The following HMCN2 variants were observed in gnomAD, a reference collection of about 807,000 sequenced individuals.
HMCN2 encodes hemicentin 2, also known as hemicentin-2.
HMCN2 carries 325 observed loss-of-function variants against 377.5 expected under a neutral mutation model. The observed-to-expected ratio is 0.86, with a 90% CI of 0.79 to 0.94. The LOEUF is 0.94. HMCN2 is among the 40% of genes least tolerant of loss of function. The pLI is 0.00. For synonymous variants in HMCN2, 2,007 were observed against 2,046.8 expected, an observed-to-expected ratio of 0.98 and a Z score of 0.53; for missense variants, 4,543 against 4,725.3, an observed-to-expected ratio of 0.96 and a Z score of 1.13.
chr9:130,390,189 G>A (rs1048145415), intron 62 of HMCN2, among the ~76,000 whole-genome samples: 45 of 152,072 alleles, frequency 3.0e-4, no homozygotes, highest in Admixed American at 6.5e-5. Flanking sequence ...TGCTCCCCCC[G>A]GCTGACTACT....
Position 130,422,641 on chromosome 9 carries a change from C to T in HMCN2, c.13296C>T (p.Ala4432=). 1 of 1,328,948 alleles carries T rather than the reference C, an allele frequency of 7.5e-7. No individual in the cohort carries two copies. Among genetic ancestry groups the T allele is most frequent in the East Asian group, 3.1e-5 (1 of 32,324 alleles). The allele number at this position is 1,328,948 out of a possible 1,614,324, so 82.3% of individuals were successfully genotyped here. ...TAAATGGCCGGAAATTTGGCGTGGC[C>T]ACACTCAACACCAGCGTGATGCAGG... ...GVINGRKFGV[A]TLNTSVMQEA... Residue 4432 remains alanine, a synonymous_variant, in exon 87 of 98, where the codon GCC becomes GCT. Coordinates refer to ENST00000683500, the MANE Select transcript of HMCN2 (RefSeq NM_001291815.2). The surrounding 1 kb of genome is among the most constrained non-coding windows in gnomAD (Gnocchi z 4.2).
At chr9:130,350,102 G>A (rs1384744260) in intron 29 of HMCN2, among the ~76,000 whole-genome samples, 2 of 151,382 alleles carry the variant, frequency 1.3e-5, no homozygotes, top group African/African-American at 4.8e-5. Context: ...TACAGATGGG[G>A]TCCTGCTTTG....
intron 3 of HMCN2, among the ~76,000 whole-genome samples, chr9:130,285,909 C>T (rs540696950): frequency 1.6e-4 from 24 of 152,312 alleles, no homozygotes; most frequent in African/African-American, 2.6e-4. Flanking sequence ...TCGACTTCCA[C>T]GCTCGTCTTT....
Position 130,433,483 on chromosome 9 carries a change from C to T in HMCN2, c.15030C>T (p.Gly5010=). The part of the protein sequence containing the change: ...VARLTAFSEV[G]VPANRTELSM... ...GCCTCACCGCCTTCTCCGAGGTCGG[C>T]GTCCCCGCCAACCGCACCGAGCTCA... Residue 5010 remains glycine, a synonymous_variant, in exon 98 of 98, where the codon GGC becomes GGT. Transcript: ENST00000683500. 6.7e-7 allele frequency: 1 copy of T among 1,499,164 alleles called. No individual in the cohort carries two copies. The highest frequency in any genetic ancestry group is 8.8e-7 in the Non-Finnish European group (1 of 1,132,096). The allele number at this position is 1,499,164 out of a possible 1,614,324, so 92.9% of individuals were successfully genotyped here. A position where few individuals can be genotyped will look rare whatever the true frequency, so the allele number is the denominator to read the frequency against.
In HMCN2 at chr9:130,386,533, G is replaced by C; in HGVS notation, c.9391+9G>C. On this transcript the variant is annotated intron_variant, in intron 61 of 97. Coordinates refer to ENST00000683500, the MANE Select transcript of HMCN2 (RefSeq NM_001291815.2). ...CACCCTCACCGTCCAGGGTAAGCCA[G>C]GGACCAGCCTAGCCAACGTGACTGT... The C allele has an allele frequency of 7.7e-7, 1 of 1,301,900 alleles. No individual in the cohort carries two copies. Among genetic ancestry groups the C allele is most frequent in the Non-Finnish European group, 1.0e-6 (1 of 988,304 alleles). 80.6% of individuals were successfully genotyped at this position (1,301,900 alleles called of 1,614,324 possible).
chr9:130,299,451 AAG>A (rs1259456294), intron 8 of HMCN2, among the ~76,000 whole-genome samples, 163 bp downstream of exon 8: 3 of 152,182 alleles, frequency 2.0e-5, no homozygotes, highest in African/African-American at 7.2e-5. Context: ...GTTAAATACT[AAG>A]ATGCTCAGAT....
chr9:130,275,570 C>T (rs1207651165), intron 1 of HMCN2, among the ~76,000 whole-genome samples: 2 of 152,166 alleles, frequency 1.3e-5, no homozygotes, highest in Non-Finnish European at 2.9e-5. Flanking sequence ...CTGCCTCAGC[C>T]TCCTGAGTAG....
Position 130,424,870 on chromosome 9 carries a change from TG to T in HMCN2, c.13481del (p.Gly4494AlafsTer19). On this transcript the variant is annotated frameshift_variant, in exon 88 of 98. Coordinates refer to ENST00000683500, the MANE Select transcript of HMCN2 (RefSeq NM_001291815.2). LOFTEE classifies it high-confidence loss of function. ...AAGCCCTGAATGGCCACTCTCTGAC[TG>T]GGGGCAGGTTCCGGCAGGAGTCACA... ...GEALNGHSLT[G>X]GRFRQESHVE... The T allele has an allele frequency of 6.8e-7, 1 of 1,464,004 alleles. No individual in the cohort carries two copies. The highest frequency in any genetic ancestry group is 9.1e-7 in the Non-Finnish European group (1 of 1,102,838). 90.7% of individuals were successfully genotyped at this position (1,464,004 alleles called of 1,614,324 possible).
intron 22 of HMCN2, among the ~76,000 whole-genome samples, chr9:130,330,569 G>A (rs1312629492): frequency 6.6e-6 from 1 of 152,026 alleles, no homozygotes; most frequent in African/African-American, 2.4e-5. Flanking sequence ...GTATCAGGTG[G>A]GCCACTGCTC....
intron 19 of HMCN2, among the ~76,000 whole-genome samples, chr9:130,322,967 G>A (rs1837932591): frequency 6.6e-6 from 1 of 152,202 alleles, no homozygotes; most frequent in Non-Finnish European, 1.5e-5. Context: ...ATAGGGGAGT[G>A]CAAAGTTCAG....
In HMCN2 at chr9:130,308,220, G is replaced by T. The variant is rs1280033658; in HGVS notation, c.2200+654G>T. Among the ~76,000 whole-genome samples, 2 of 152,198 alleles carry T rather than the reference G, an allele frequency of 1.3e-5. No homozygotes were observed. Among genetic ancestry groups the T allele is most frequent in the African/African-American group, 4.8e-5 (2 of 41,456 alleles). On this transcript the variant is annotated intron_variant, in intron 14 of 97. Coordinates refer to ENST00000683500, the MANE Select transcript of HMCN2 (RefSeq NM_001291815.2). The surrounding 1 kb of genome is among the most constrained non-coding windows in gnomAD (Gnocchi z 4.1). ...GACCCACTCGCCTCGGCTTCCCAAA[G>T]TGCTGGGATGACAGGCGTGAGCCAC...
In HMCN2 at chr9:130,428,651, A is replaced by G. The variant is rs1314121637; in HGVS notation, c.14197+162A>G. ...CAAGGCTGGGGACAAAGCCTGCGCCAGGCTCTGGAGGTCTGAGCCCTCCCC... is the reference window on the plus strand; with the variant it reads ...CAAGGCTGGGGACAAAGCCTGCGCCGGGCTCTGGAGGTCTGAGCCCTCCCC... On this transcript the variant is annotated intron_variant, in intron 93 of 97. Coordinates refer to ENST00000683500, the MANE Select transcript of HMCN2 (RefSeq NM_001291815.2). This position sits in a 1 kb window ranked among gnomAD's most constrained non-coding sequence, Gnocchi z 5.0. Among the ~76,000 whole-genome samples the G allele has an allele frequency of 6.6e-6, 1 of 152,182 alleles. No individual in the cohort carries two copies. The highest frequency in any genetic ancestry group is 2.4e-5 in the African/African-American group (1 of 41,446).
intron 15 of HMCN2, among the ~76,000 whole-genome samples, chr9:130,311,854 T>G (rs1309875896): frequency 6.6e-6 from 1 of 151,874 alleles, no homozygotes; most frequent in Non-Finnish European, 1.5e-5. Flanking sequence ...AGGGGGTTGG[T>G]GAGAGGTTTT....
chr9:130,397,694 G>A, intron 74 of HMCN2, 39 bp downstream of exon 74: 3 of 1,286,314 alleles, frequency 2.3e-6, no homozygotes, highest in Non-Finnish European at 3.0e-6. Flanking sequence ...TCCAGTCCCT[G>A]TCGGGGTCCA....
At chr9:130,322,959 AG>A (rs1837932160) in intron 19 of HMCN2, among the ~76,000 whole-genome samples, 1 of 152,178 alleles carries the variant, frequency 6.6e-6, no homozygotes, top group Non-Finnish European at 1.5e-5. Context: ...CCCATTTTAT[AG>A]GGGAGTGCAA....
chr9:130,355,687 A>G (rs1221262366), intron 32 of HMCN2, 59 bp from the exon 33 acceptor site: 6 of 997,894 alleles, frequency 6.0e-6, no homozygotes, highest in Non-Finnish European at 8.4e-6. Flanking sequence ...GGGACTTGGG[A>G]GGGTTTGAGG....
chr9:130,359,313 C>T lies in HMCN2; in HGVS notation c.5678-6C>T, dbSNP rs1375237015. 3.1e-6 allele frequency: 4 copies of T among 1,300,128 alleles called. No homozygotes were observed. Among genetic ancestry groups the T allele is most frequent in the Non-Finnish European group, 4.1e-6 (4 of 985,674 alleles). The allele number at this position is 1,300,128 out of a possible 1,614,324, so 80.5% of individuals were successfully genotyped here. A position where few individuals can be genotyped will look rare whatever the true frequency, so the allele number is the denominator to read the frequency against. ...CCAAGCTGGGTCTCTCCTTGTCTCCCCCTAGTGCCCCCCAACATCGAGCCA... is the reference window on the plus strand; with the variant it reads ...CCAAGCTGGGTCTCTCCTTGTCTCCTCCTAGTGCCCCCCAACATCGAGCCA... On this transcript the variant is annotated splice_polypyrimidine_tract_variant and splice_region_variant and intron_variant, in intron 36 of 97. Transcript: ENST00000683500.
At chr9:130,297,059 G>C (rs1836205819) in intron 7 of HMCN2, among the ~76,000 whole-genome samples, 1 of 152,212 alleles carries the variant, frequency 6.6e-6, no homozygotes, top group Non-Finnish European at 1.5e-5. Flanking sequence ...CACAGTCAGT[G>C]TCCTGGAGGA....
intron 7 of HMCN2, among the ~76,000 whole-genome samples, chr9:130,298,806 C>T (rs7027764): frequency 0.014 from 2,153 of 152,238 alleles, 38 homozygotes; most frequent in African/African-American, 0.035. Context: ...CGTGGTTGGA[C>T]GACTGTGGTG....
Sources: gnomAD v4.1 joint callset for allele counts (sites outside exome capture counted in the v4.1 genomes callset) on GRCh38, gnomAD v4.1.1 for gene constraint, Gnocchi (gnomAD v3.1) non-coding constraint, MANE v1.5 for transcripts, NCBI Gene and HGNC (gene_info 2026-07-23, HGNC 2026-07-21) for gene names.